The following DPP10 variants were observed in gnomAD, a reference collection of about 807,000 sequenced individuals.
DPP10 encodes the protein inactive dipeptidyl peptidase 10.
In DPP10, 33 loss-of-function variants were observed where a neutral mutation model predicts 120.9. That is an observed-to-expected ratio of 0.27 (90% CI 0.21 to 0.37). The LOEUF (loss-of-function observed/expected upper bound fraction) is 0.37, where lower values mean the gene tolerates loss of function less well. DPP10 is among the 10% of genes least tolerant of loss of function. The pLI, the probability that DPP10 is intolerant of heterozygous loss-of-function variation, is 1.00. For missense variants in DPP10, 816 were observed against 942.8 expected (o/e 0.87, Z 1.76); for synonymous variants, 337 against 326.1 (o/e 1.03, Z -0.36).
At chr2:114,517,745 G>A (rs1373579964) in intron 1 of DPP10, among the ~76,000 whole-genome samples, 1 of 152,160 alleles carries the variant, frequency 6.6e-6, no homozygotes, top group Non-Finnish European at 1.5e-5. Flanking sequence ...TGATGGCAAG[G>A]GCACAGAATA....
chr2:115,812,536 G>T (rs1686757149), intron 19 of DPP10, among the ~76,000 whole-genome samples: 1 of 152,138 alleles, frequency 6.6e-6, no homozygotes, highest in African/African-American at 2.4e-5. Context: ...AGACTTCTAG[G>T]TTACAGCATG....
Position 115,270,820 on chromosome 2 carries a change from C to T in DPP10, c.61-38419C>T, listed in dbSNP as rs116705958. 3.2e-3 allele frequency among the ~76,000 whole-genome samples: 488 copies of T among 152,220 alleles called. 11 individuals are homozygous for T. The highest frequency in any genetic ancestry group is 1.6e-3 in the Non-Finnish European group (107 of 68,006). On this transcript the variant is annotated intron_variant, in intron 1 of 25. Coordinates refer to ENST00000410059, the MANE Select transcript of DPP10 (RefSeq NM_020868.6). ...ACAAAACATTCTCGAGGTAGTGTTC[C>T]AGGAAGCTACTGACTGTCAATTATT...
intron 13 of DPP10, among the ~76,000 whole-genome samples, chr2:115,775,618 C>T (rs541789580): frequency 3.9e-5 from 6 of 152,016 alleles, no homozygotes; most frequent in Admixed American, 2.0e-4. Context: ...TCTAGGAGTA[C>T]GCACTTCCAA....
intron 1 of DPP10, among the ~76,000 whole-genome samples, chr2:115,091,554 C>G (rs1480169108): frequency 1.3e-5 from 2 of 151,968 alleles, no homozygotes; most frequent in East Asian, 3.9e-4. Flanking sequence ...CAACATGTGT[C>G]TATATGTTTA....
intron 4 of DPP10, among the ~76,000 whole-genome samples, chr2:115,515,733 A>G (rs1485845947): frequency 6.6e-6 from 1 of 152,126 alleles, no homozygotes; most frequent in Non-Finnish European, 1.5e-5. Context: ...AAAGGAAGAG[A>G]GAACAATGGG....
At chr2:114,550,573 C>T (rs1393049503) in intron 1 of DPP10, among the ~76,000 whole-genome samples, 2 of 152,216 alleles carry the variant, frequency 1.3e-5, no homozygotes, top group Non-Finnish European at 2.9e-5. Context: ...CCCTTCCTCA[C>T]CTCTGGCACT....
intron 1 of DPP10, among the ~76,000 whole-genome samples, chr2:115,293,839 G>A (rs565935723): frequency 6.6e-6 from 1 of 152,006 alleles, no homozygotes; most frequent in South Asian, 2.1e-4. Flanking sequence ...ATGGACATCA[G>A]TAAATCTCTA....
chr2:115,216,733 C>T (rs2105384484), intron 1 of DPP10, among the ~76,000 whole-genome samples: 1 of 152,024 alleles, frequency 6.6e-6, no homozygotes, highest in Non-Finnish European at 1.5e-5. Flanking sequence ...TGCCGTGAGC[C>T]CGGATCGTGC....
chr2:115,307,611 G>C (rs1348806261), intron 1 of DPP10, among the ~76,000 whole-genome samples: 1 of 152,008 alleles, frequency 6.6e-6, no homozygotes, highest in African/African-American at 2.4e-5. Context: ...GACCACTGTA[G>C]GTTTTGATTT....
At position 115,256,071 on chromosome 2, in the gene DPP10, A is replaced by T. The variant is rs554394903; in HGVS notation, c.61-53168A>T. On this transcript the variant is annotated intron_variant, in intron 1 of 25. Transcript: ENST00000410059. Reference sequence around the variant, plus strand: ...GTTTGTTCTCATGCTGCTAATAAAGACATACATGAGACCGGGTAATTTATA... The same window carrying T: ...GTTTGTTCTCATGCTGCTAATAAAGTCATACATGAGACCGGGTAATTTATA... Among the ~76,000 whole-genome samples, 35 of 152,302 alleles carry T rather than the reference A, an allele frequency of 2.3e-4. 2 individuals are homozygous for T. In the East Asian group the frequency reaches 6.8e-3, roughly 29 times the overall value.
At chr2:114,653,839 T>C (rs558411885) in intron 1 of DPP10, among the ~76,000 whole-genome samples, 2 of 152,304 alleles carry the variant, frequency 1.3e-5, no homozygotes, top group South Asian at 4.1e-4. Flanking sequence ...ATACTGGACA[T>C]GCAAAAGAAG....
chr2:114,973,661 CAAAAA>C (rs58042446), intron 1 of DPP10, among the ~76,000 whole-genome samples: 10 of 70,992 alleles, frequency 1.4e-4, no homozygotes, highest in East Asian at 4.0e-4. Flanking sequence ...GACTCCGTCT[CAAAAA>C]AAAAAAAAAA....
chr2:115,722,216 C>T (rs904451455), intron 7 of DPP10, among the ~76,000 whole-genome samples: 13 of 151,964 alleles, frequency 8.6e-5, no homozygotes, highest in African/African-American at 1.9e-4. Flanking sequence ...ATTCATTGTA[C>T]GCTTACAGAT....
At chr2:114,935,835 G>T (rs1038902434) in intron 1 of DPP10, among the ~76,000 whole-genome samples, 1 of 150,768 alleles carries the variant, frequency 6.6e-6, no homozygotes, top group African/African-American at 2.4e-5. Context: ...GGAACCTTCT[G>T]GCTGCACATT....
At chr2:114,597,393 T>C (rs1692000683) in intron 1 of DPP10, among the ~76,000 whole-genome samples, 1 of 152,030 alleles carries the variant, frequency 6.6e-6, no homozygotes, top group African/African-American at 2.4e-5. Flanking sequence ...AGCAGAGAAA[T>C]AATCAGAACA....
chr2:115,090,039 CTT>C (rs764418463), intron 1 of DPP10, among the ~76,000 whole-genome samples: 2 of 142,290 alleles, frequency 1.4e-5, no homozygotes, highest in Non-Finnish European at 1.5e-5. Flanking sequence ...TGGGTCATTC[CTT>C]TTTTTTTTTT....
chr2:115,497,045 A>G (rs965124351), intron 3 of DPP10, among the ~76,000 whole-genome samples: 8 of 152,078 alleles, frequency 5.3e-5, no homozygotes, highest in African/African-American at 1.9e-4. Context: ...TCATCTCAGA[A>G]GACCAACCTG....
chr2:114,551,515 A>T (rs779150700), intron 1 of DPP10, among the ~76,000 whole-genome samples: 32 of 152,112 alleles, frequency 2.1e-4, no homozygotes, highest in Non-Finnish European at 3.7e-4. Context: ...GCTGCCTCCT[A>T]GTGTTGTGGT....
intron 1 of DPP10, among the ~76,000 whole-genome samples, chr2:114,785,950 A>G (rs906004734): frequency 2.0e-5 from 3 of 152,206 alleles, no homozygotes; most frequent in Non-Finnish European, 4.4e-5. Context: ...CCTGACCTCC[A>G]GACCAAGAAG....
Sources: gnomAD v4.1 joint callset for allele counts (sites outside exome capture counted in the v4.1 genomes callset) on GRCh38, gnomAD v4.1.1 for gene constraint, MANE v1.5 for transcripts, NCBI Gene and HGNC (gene_info 2026-07-23, HGNC 2026-07-21) for gene names.